ITGB5: variants seen among roughly 807,000 people sequenced by gnomAD.
ITGB5 encodes integrin beta-5.
A neutral mutation model predicts 84.8 loss-of-function variants in ITGB5; 38 were observed. That is an observed-to-expected ratio of 0.45 (90% CI 0.35 to 0.59). The LOEUF (loss-of-function observed/expected upper bound fraction) is 0.59. Ranked by LOEUF, ITGB5 falls within the 20% of genes least tolerant of loss-of-function variation. ITGB5 has a pLI of 0.01. For missense variants in ITGB5, 905 were observed against 1,034.5 expected, an observed-to-expected ratio of 0.87 and a Z score of 1.72; for synonymous variants, 393 against 414.4, an observed-to-expected ratio of 0.95 and a Z score of 0.63.
At chr3:124,898,801 C>T (rs1935164105) in intron 1 of ITGB5, among the ~76,000 whole-genome samples, 1 of 138,662 alleles carries the variant, frequency 7.2e-6, no homozygotes, top group South Asian at 2.3e-4. Context: ...AAAGGCCGGG[C>T]GCACTGGCTC....
At chr3:124,844,021 TG>T (rs888540773) in intron 4 of ITGB5, among the ~76,000 whole-genome samples, 4 of 151,972 alleles carry the variant, frequency 2.6e-5, no homozygotes, top group African/African-American at 9.6e-5. Flanking sequence ...CTCCATGTCA[TG>T]GAACAGGAAT....
rs576754241 is a variant in ITGB5, at chr3:124,762,792, C to T, written c.*831G>A. On this transcript the variant is annotated 3_prime_UTR_variant, in exon 15 of 15. Transcript: ENST00000296181. ...TGCTCAGTGTTCCCCCTTGCACAGC[C>T]CTCACTGCCCCGAGCACCTCATGCT... 1.3e-5 allele frequency: 2 copies of T among 152,328 alleles called. No homozygotes were observed. Among genetic ancestry groups the T allele is most frequent in the East Asian group, 3.9e-4 (2 of 5,186 alleles). 9.4% of individuals were successfully genotyped at this position (152,328 alleles called of 1,614,324 possible).
chr3:124,817,452 C>T (rs542471938), intron 8 of ITGB5, among the ~76,000 whole-genome samples, 169 bp downstream of exon 8: 1 of 152,194 alleles, frequency 6.6e-6, no homozygotes, highest in Admixed American at 6.5e-5. Context: ...GGTTTCTCCA[C>T]CCTGACCCTG....
chr3:124,766,408 C>A (rs1220795148), intron 12 of ITGB5, 63 bp from the exon 13 acceptor site: 9 of 1,586,406 alleles, frequency 5.7e-6, no homozygotes, highest in South Asian at 1.1e-5. Context: ...CACTGATGGT[C>A]GGGGCAGGGA....
In ITGB5 at chr3:124,763,674, C is replaced by G. The variant is rs1237976520; in HGVS notation, c.2349G>C (p.Val783=). Residue 783 remains valine, a synonymous_variant, in exon 15 of 15, where the codon GTG becomes GTC. Coordinates refer to ENST00000296181, the MANE Select transcript of ITGB5 (RefSeq NM_002213.5). ...LYRKPISTHT[V]DFTFNKFNKS... ...TGTTGAACTTGTTGAAGGTGAAGTC[C>G]ACAGTGTGCGTGGAGATAGGCTTTC... is the stretch of plus-strand genomic sequence containing the variant. 1 of 1,611,066 alleles carries G rather than the reference C, an allele frequency of 6.2e-7. No individual in the cohort carries two copies. Among genetic ancestry groups the G allele is most frequent in the African/African-American group, 1.3e-5 (1 of 74,902 alleles).
chr3:124,868,831 GA>G (rs11447024), intron 2 of ITGB5, among the ~76,000 whole-genome samples: 2 of 150,268 alleles, frequency 1.3e-5, no homozygotes, highest in African/African-American at 4.9e-5. Context: ...GATTAAAAAT[GA>G]AAAAAAAAGT....
chr3:124,886,063 T>C (rs564242879), intron 1 of ITGB5, among the ~76,000 whole-genome samples: 155 of 152,214 alleles, frequency 1.0e-3, no homozygotes, highest in African/African-American at 3.5e-3. Flanking sequence ...AACTACCACG[T>C]CCAATCATCT....
intron 2 of ITGB5, among the ~76,000 whole-genome samples, chr3:124,870,873 G>C (rs187756018): frequency 6.6e-5 from 10 of 152,258 alleles, no homozygotes; most frequent in Admixed American, 2.0e-4. Flanking sequence ...TTATGGAGTA[G>C]ATGAGGTTAA....
At chr3:124,835,729 T>C (rs944567699) in intron 5 of ITGB5, among the ~76,000 whole-genome samples, 2 of 152,210 alleles carry the variant, frequency 1.3e-5, no homozygotes, top group East Asian at 3.8e-4. Flanking sequence ...TCTCAACTCA[T>C]GCTTGGAAAA....
chr3:124,834,535 G>A (rs1318440902), intron 5 of ITGB5, among the ~76,000 whole-genome samples: 1 of 35,192 alleles, frequency 2.8e-5, no homozygotes, highest in Non-Finnish European at 6.1e-5. Context: ...GGCGAGGAAG[G>A]GGAGGGAGGG....
chr3:124,874,306 G>GAAAAAAAAAAAAAAAAAA (rs59287818), intron 1 of ITGB5, among the ~76,000 whole-genome samples: 1 of 113,372 alleles, frequency 8.8e-6, no homozygotes, highest in African/African-American at 3.5e-5. Context: ...TCAAAAGCCG[G>GAAAAAAAAAAAAAAAAAA]AAAAAAAAAA....
intron 7 of ITGB5, among the ~76,000 whole-genome samples, 157 bp downstream of exon 7, chr3:124,819,582 G>A (rs2064665609): frequency 6.6e-6 from 1 of 152,082 alleles, no homozygotes; most frequent in African/African-American, 2.4e-5. Context: ...ACTGCTATGC[G>A]AATGCTTAAT....
upstream of ITGB5, among the ~76,000 whole-genome samples, chr3:124,890,885 T>G (rs1934986419): frequency 6.6e-6 from 1 of 152,212 alleles, no homozygotes. Flanking sequence ...TCCTTTTTTT[T>G]ATTAAGCTGG....
chr3:124,899,031 C>T (rs553386744), intron 1 of ITGB5, among the ~76,000 whole-genome samples: 129 of 150,996 alleles, frequency 8.5e-4, no homozygotes, highest in African/African-American at 2.9e-3. Context: ...GCCTAGATTG[C>T]GCCATTGCAT....
intron 10 of ITGB5, among the ~76,000 whole-genome samples, chr3:124,777,138 GGGTAGGAGAGGGTGAGAGCT>G (rs1375149306): frequency 2.0e-5 from 3 of 152,202 alleles, no homozygotes; most frequent in African/African-American, 7.2e-5. Context: ...CAGGAGTCAA[GGGTAGGAGAGGGTGAGAGCT>G]GGTGGCTCAC....
intron 10 of ITGB5, among the ~76,000 whole-genome samples, chr3:124,777,004 G>GC (rs3836311): frequency 0.16 from 24,673 of 152,190 alleles, 2,219 homozygotes; most frequent in Admixed American, 0.25. Context: ...TGGGATGGCT[G>GC]GGGGGCAGGG....
At position 124,808,928 on chromosome 3, in the gene ITGB5, G is replaced by A. The variant is rs183560875; in HGVS notation, c.1263+94C>T. 1.2e-4 allele frequency: 164 copies of A among 1,359,058 alleles called. No individual in the cohort carries two copies. The African/African-American group carries it at 1.7e-3, about 14-fold the overall frequency. 84.2% of individuals were successfully genotyped at this position (1,359,058 alleles called of 1,614,324 possible). On this transcript the variant is annotated intron_variant, in intron 9 of 14. Transcript: ENST00000296181. The stretch of plus-strand genomic sequence containing the variant: ...AATTGGAAAACAGAATATAAATTCC[G>A]AAAGGACTCTTAATAAGTCACAAAA...
intron 1 of ITGB5, among the ~76,000 whole-genome samples, chr3:124,883,249 C>G (rs1480261147): frequency 6.6e-6 from 1 of 152,178 alleles, no homozygotes; most frequent in East Asian, 1.9e-4. Flanking sequence ...TACCAGGCCA[C>G]GCAGGCACAA....
At chr3:124,806,519 C>T (rs1453746449) in intron 9 of ITGB5, among the ~76,000 whole-genome samples, 2 of 149,444 alleles carry the variant, frequency 1.3e-5, no homozygotes, top group African/African-American at 2.5e-5. Flanking sequence ...CTGCAAGCTC[C>T]GCCTCCCGGG....
Sources: allele counts gnomAD v4.1 joint callset (sites outside exome capture counted in the v4.1 genomes callset), GRCh38; gene constraint gnomAD v4.1.1; transcripts MANE v1.5; gene names NCBI Gene and HGNC (gene_info 2026-07-23, HGNC 2026-07-21).